Variants in ZNF724 observed in about 807,000 individuals in gnomAD.
ZNF724 encodes the protein zinc finger protein 724, also known as zinc finger protein 724 pseudogene.
ZNF724 carries 14 observed loss-of-function variants against 29.3 expected under a neutral mutation model. The observed-to-expected ratio is 0.48, with a 90% CI of 0.32 to 0.75. ZNF724 has a LOEUF of 0.75. ZNF724 is among the 30% of genes least tolerant of loss of function. The probability of loss-of-function intolerance (pLI) is 0.04; values close to 1 mark genes in which losing one functional copy is unlikely to be tolerated. For missense variants in ZNF724, 557 were observed against 571.2 expected, an observed-to-expected ratio of 0.98 and a Z score of 0.25; for synonymous variants, 180 against 193.6, an observed-to-expected ratio of 0.93 and a Z score of 0.58.
intron 1 of ZNF724, among the ~76,000 whole-genome samples, chr19:23,239,727 C>T (rs1972085046): frequency 6.6e-6 from 1 of 152,116 alleles, no homozygotes; most frequent in Middle Eastern, 3.2e-3. Flanking sequence ...AGGAGAATCC[C>T]TTGAACCCAG....
At position 23,240,384 on chromosome 19, in the gene ZNF724, G is replaced by A. The variant is rs141302815; in HGVS notation, c.4-8091C>T. On this transcript the variant is annotated intron_variant, in intron 1 of 3. Transcript: ENST00000418100. ...TGGTCGCACTCTGACCAAAAAATGA[G>A]AATGGCACTAAGGCCCAGAGTTTTG... 2.0e-3 allele frequency among the ~76,000 whole-genome samples: 305 copies of A among 151,948 alleles called. 3 individuals carry two copies. Among genetic ancestry groups the A allele is most frequent in the African/African-American group, 7.2e-3 (297 of 41,448 alleles).
chr19:23,240,041 G>A (rs771771849), intron 1 of ZNF724, among the ~76,000 whole-genome samples: 2 of 152,158 alleles, frequency 1.3e-5, no homozygotes, highest in South Asian at 2.1e-4. Flanking sequence ...GCCAGGTGCC[G>A]TGACTCATGC....
intron 1 of ZNF724, chr19:23,236,681 A>C (rs1432197685): frequency 6.6e-6 from 1 of 152,166 alleles, no homozygotes; most frequent in Non-Finnish European, 1.5e-5. Flanking sequence ...TAAACACCCA[A>C]ACTGCACAGC....
chr19:23,224,838 C>G (rs888348142), intron 3 of ZNF724, among the ~76,000 whole-genome samples: 5 of 152,062 alleles, frequency 3.3e-5, no homozygotes, highest in African/African-American at 4.8e-5. Flanking sequence ...ACCTGTAGTC[C>G]CAGCTACTTG....
chr19:23,249,867 TGGAA>T (rs1599653363), intron 1 of ZNF724, among the ~76,000 whole-genome samples: 1 of 152,052 alleles, frequency 6.6e-6, no homozygotes, highest in East Asian at 1.9e-4. Flanking sequence ...AAAGATGAAC[TGGAA>T]ACGCAGCGGA....
At chr19:23,231,134 T>G in intron 3 of ZNF724, 132 bp downstream of exon 3, 1 of 689,470 alleles carries the variant, frequency 1.5e-6, no homozygotes, top group Non-Finnish European at 2.3e-6. Context: ...CTGCCCGCCT[T>G]AGCCTCTCCA....
chr19:23,243,431 G>A (rs1278551134), intron 1 of ZNF724, among the ~76,000 whole-genome samples: 6 of 128,594 alleles, frequency 4.7e-5, no homozygotes, highest in South Asian at 5.2e-4. Flanking sequence ...AGCTGAGATC[G>A]CGCCACTGCA....
Position 23,223,756 on chromosome 19 carries a change from A to G in ZNF724, c.489T>C (p.His163=), listed in dbSNP as rs1283001773. 2.7e-6 allele frequency: 2 copies of G among 749,906 alleles called. No individual in the cohort carries two copies. The highest frequency in any genetic ancestry group is 5.0e-6 in the Non-Finnish European group (2 of 403,630). 46.5% of individuals were successfully genotyped at this position (749,906 alleles called of 1,614,324 possible). A position where few individuals can be genotyped will look rare whatever the true frequency, so the allele number is the denominator to read the frequency against. Residue 163 remains histidine, a synonymous_variant, in exon 4 of 4, where the codon CAT becomes CAC. Transcript: ENST00000418100. ...ATTTGAAAGGATTCTTTTCAGTCTTATGTCTATTTGAATTTGAAAATTTAT... is the reference window on the plus strand; with the variant it reads ...ATTTGAAAGGATTCTTTTCAGTCTTGTGTCTATTTGAATTTGAAAATTTAT... ...DFHKFSNSNR[H]KTEKNPFKCK...
In ZNF724 at chr19:23,221,674, A is replaced by T. The variant is rs1392700036; in HGVS notation, c.*711T>A. On this transcript the variant is annotated 3_prime_UTR_variant, in exon 4 of 4. Transcript: ENST00000418100. ...CAGCTCACTGCAACCTCTGCCTCCC[A>T]GGTTCAAGCGATTCTCCTGTCTCAA... is the stretch of plus-strand genomic sequence containing the variant. The T allele has an allele frequency of 1.3e-5, 2 of 152,316 alleles. No homozygotes were observed. Among genetic ancestry groups the T allele is most frequent in the Admixed American group, 6.6e-5 (1 of 15,236 alleles). The allele number at this position is 152,316 out of a possible 1,614,324, so 9.4% of individuals were successfully genotyped here.
At position 23,250,228 on chromosome 19, in the gene ZNF724, CG is replaced by C. The variant is rs1972328586; in HGVS notation, c.3+11del. 1 of 668,972 alleles carries C rather than the reference CG, an allele frequency of 1.5e-6. No homozygotes were observed. Among genetic ancestry groups the C allele is most frequent in the Non-Finnish European group, 2.6e-6 (1 of 378,508 alleles). The allele number at this position is 668,972 out of a possible 1,614,324, so 41.4% of individuals were successfully genotyped here. ...TCCCTCTCTCTCCGGATGTCGGAGC[CG>C]CCACTCTCACCATTTCTAGGCTTCC... On this transcript the variant is annotated intron_variant, in intron 1 of 3. Transcript: ENST00000418100.
At position 23,225,462 on chromosome 19, in the gene ZNF724, C is replaced by T. The variant is rs181084711; in HGVS notation, c.227-1444G>A. On this transcript the variant is annotated intron_variant, in intron 3 of 3. Transcript: ENST00000418100. ...TCTATAGGATACAAAAAAATTTATC[C>T]GGGCATGATGGTGGGTGCCTGTATT... is the stretch of plus-strand genomic sequence containing the variant. Among the ~76,000 whole-genome samples, 10 of 152,010 alleles carry T rather than the reference C, an allele frequency of 6.6e-5. No homozygotes were observed. In the East Asian group the frequency reaches 7.8e-4, roughly 12 times the overall value.
At chr19:23,239,628 A>G (rs7256939) in intron 1 of ZNF724, among the ~76,000 whole-genome samples, 2,075 of 152,224 alleles carry the variant, frequency 0.014, 59 homozygotes, top group African/African-American at 0.047. Flanking sequence ...TTAGAAATCA[A>G]TTTAAATACC....
chr19:23,241,000 T>G (rs1972114267), intron 1 of ZNF724, among the ~76,000 whole-genome samples: 1 of 151,042 alleles, frequency 6.6e-6, no homozygotes, highest in African/African-American at 2.4e-5. Flanking sequence ...GCCAGTGCAC[T>G]CCAACCTGGG....
At chr19:23,237,421 A>C (rs1210130139) in intron 1 of ZNF724, among the ~76,000 whole-genome samples, 3 of 152,138 alleles carry the variant, frequency 2.0e-5, no homozygotes, top group African/African-American at 7.2e-5. Flanking sequence ...TTTTTTGGAT[A>C]TTAGATATAA....
chr19:23,224,957 A>G (rs1971799538), intron 3 of ZNF724, among the ~76,000 whole-genome samples: 1 of 151,296 alleles, frequency 6.6e-6, no homozygotes, highest in African/African-American at 2.4e-5. Flanking sequence ...TCCGTCTCAA[A>G]CAAAAAAACA....
chr19:23,243,189 T>C (rs1261533186), intron 1 of ZNF724, among the ~76,000 whole-genome samples: 1 of 151,816 alleles, frequency 6.6e-6, no homozygotes, highest in African/African-American at 2.4e-5. Context: ...AGACAACTAA[T>C]GCAGAAAGGC....
rs558035918 is a variant in ZNF724, at chr19:23,243,381, C to T, written c.3+6859G>A. On this transcript the variant is annotated intron_variant, in intron 1 of 3. Coordinates refer to ENST00000418100, the MANE Select transcript of ZNF724 (RefSeq NM_001355404.2). ...ATCCCAGCTATTCAGGAGGCTGAGG[C>T]AGGAGAATCACTTGAACCTGGGAGG... is the stretch of plus-strand genomic sequence containing the variant. 3.5e-4 allele frequency among the ~76,000 whole-genome samples: 50 copies of T among 143,814 alleles called. No individual in the cohort carries two copies. In the South Asian group the frequency reaches 6.6e-3, roughly 19 times the overall value. 94.3% of individuals were successfully genotyped at this position (143,814 alleles called of 152,430 possible).
rs565885768 is a variant in ZNF724, at chr19:23,232,033, G to C, written c.130+134C>G. 1,612 of 842,832 alleles carry C rather than the reference G, an allele frequency of 1.9e-3. 4 individuals carry two copies. The highest frequency in any genetic ancestry group is 2.8e-3 in the Non-Finnish European group (1,464 of 530,982). The allele number at this position is 842,832 out of a possible 1,614,324, so 52.2% of individuals were successfully genotyped here. On this transcript the variant is annotated intron_variant, in intron 2 of 3. Coordinates refer to ENST00000418100, the MANE Select transcript of ZNF724 (RefSeq NM_001355404.2). ...ATTACAGGCATAAGCCACCACGCTT[G>C]GCCCCCAAGATTTTCTTAGAAATAG...
At chr19:23,233,425 T>C (rs530294809) in intron 1 of ZNF724, among the ~76,000 whole-genome samples, 5 of 152,316 alleles carry the variant, frequency 3.3e-5, no homozygotes, top group African/African-American at 1.2e-4. Context: ...CAAACACAAA[T>C]GGAACTTCAA....
Sources: gnomAD v4.1 joint callset for allele counts (sites outside exome capture counted in the v4.1 genomes callset) on GRCh38, gnomAD v4.1.1 for gene constraint, MANE v1.5 for transcripts, NCBI Gene and HGNC (gene_info 2026-07-23, HGNC 2026-07-21) for gene names.